TSBP1: variants seen among roughly 807,000 people sequenced by gnomAD.
TSBP1 encodes the protein testis-expressed basic protein 1.
TSBP1 carries 56 observed loss-of-function variants against 68.8 expected under a neutral mutation model. The ratio of observed to expected loss-of-function variants is 0.81; its 90% confidence interval spans 0.66 to 1.02. TSBP1 has a LOEUF of 1.02. Ranked by LOEUF, TSBP1 falls within the 50% of genes least tolerant of loss-of-function variation. The pLI is 0.00. For synonymous variants in TSBP1, 171 were observed against 208.7 expected (o/e 0.82, Z 1.56); for missense variants, 502 against 641.2 (o/e 0.78, Z 2.34).
chr6:32,297,771 C>A (rs976622391), intron 22 of TSBP1, among the ~76,000 whole-genome samples: 2 of 152,048 alleles, frequency 1.3e-5, no homozygotes, highest in African/African-American at 4.8e-5. Context: ...CTAAAAATAT[C>A]AACTGGGGCC....
At chr6:32,323,236 C>T in intron 17 of TSBP1, 99 bp from the exon 19 acceptor site, 1 of 772,986 alleles carries the variant, frequency 1.3e-6, no homozygotes, top group Non-Finnish European at 2.2e-6. Context: ...GGACACCTTT[C>T]TGGGTCTAAA....
intron 9 of TSBP1, among the ~76,000 whole-genome samples, chr6:32,341,214 C>T (rs1770311666): frequency 1.3e-5 from 2 of 152,080 alleles, no homozygotes; most frequent in Admixed American, 1.3e-4. Context: ...ATAAAAAAAA[C>T]TTACGATGTA....
exon 23 of TSBP1, chr6:32,293,849 T>G (rs1455255631): frequency 6.2e-7 from 1 of 1,613,098 alleles, no homozygotes; most frequent in Admixed American, 1.7e-5. Flanking sequence ...TCCTTCTCTT[T>G]CTGGCTCCTT....
chr6:32,293,761 C>G, exon 23 of TSBP1: 1 of 1,612,792 alleles, frequency 6.2e-7, no homozygotes, highest in Middle Eastern at 1.6e-4. Context: ...GTTGGGTTTC[C>G]TGTCTTTTTG....
intron 22 of TSBP1, among the ~76,000 whole-genome samples, chr6:32,296,137 C>A (rs914060797): frequency 6.6e-6 from 1 of 152,178 alleles, no homozygotes; most frequent in African/African-American, 2.4e-5. Context: ...AGCCACCACA[C>A]CCAGCCAATT....
intron 18 of TSBP1, among the ~76,000 whole-genome samples, chr6:32,320,543 TC>T (rs1462928464): frequency 6.6e-6 from 1 of 152,158 alleles, no homozygotes; most frequent in Non-Finnish European, 1.5e-5. Context: ...TATTTTTTCA[TC>T]CCCTCACTGT....
chr6:32,329,670 T>C (rs1393426093), intron 16 of TSBP1, among the ~76,000 whole-genome samples: 1 of 152,184 alleles, frequency 6.6e-6, no homozygotes, highest in Non-Finnish European at 1.5e-5. Flanking sequence ...TTCTCTCCCT[T>C]ATTCATGACT....
chr6:32,325,569 G>T lies in TSBP1; in HGVS notation c.515-1955C>A. 1.1e-6 allele frequency: 1 copy of T among 876,194 alleles called. No homozygotes were observed. Among genetic ancestry groups the T allele is most frequent in the Non-Finnish European group, 1.9e-6 (1 of 522,816 alleles). 54.3% of individuals were successfully genotyped at this position (876,194 alleles called of 1,614,324 possible). On this transcript the variant is annotated intron_variant, in intron 16 of 22. Transcript: ENST00000612031. This position sits in a 1 kb window ranked among gnomAD's most constrained non-coding sequence, Gnocchi z 4.4. ...TGGTGGCATTAAAGAAGACACTGAA[G>T]AAATCACCTAAGAAATTATTTTGAG...
Position 32,366,152 on chromosome 6 carries a change from T to C in TSBP1, c.217+15A>G. The C allele has an allele frequency of 6.2e-7, 1 of 1,601,426 alleles. No homozygotes were observed. The highest frequency in any genetic ancestry group is 1.1e-5 in the South Asian group (1 of 88,912). On this transcript the variant is annotated intron_variant, in intron 6 of 22. Transcript: ENST00000612031. ...ATTTTCCTTTAATTTTACAAAAATC[T>C]CTACATATACTTACCTCGGTTATCA...
intron 9 of TSBP1, among the ~76,000 whole-genome samples, chr6:32,344,212 C>G (rs1770699444): frequency 6.7e-6 from 1 of 150,204 alleles, no homozygotes; most frequent in African/African-American, 2.5e-5. Context: ...TCCATTAACT[C>G]GTCATTTAGC....
chr6:32,339,586 T>C lies in TSBP1; in HGVS notation c.388+14A>G, dbSNP rs1770103295. 8 of 1,254,122 alleles carry C rather than the reference T, an allele frequency of 6.4e-6. No homozygotes were observed. Among genetic ancestry groups the C allele is most frequent in the Admixed American group, 1.8e-5 (1 of 54,536 alleles). The allele number at this position is 1,254,122 out of a possible 1,614,324, so 77.7% of individuals were successfully genotyped here. On this transcript the variant is annotated intron_variant, in intron 10 of 22. Coordinates refer to ENST00000612031, the Ensembl canonical transcript of TSBP1. ...AGTAAAAAAAGGACTGAGTTGTATATATGGGAAACTTACAAGGAGGTTCTT... is the reference window on the plus strand; with the variant it reads ...AGTAAAAAAAGGACTGAGTTGTATACATGGGAAACTTACAAGGAGGTTCTT...
intron 4 of TSBP1, chr6:32,366,554 G>A (rs1253907742): frequency 2.2e-6 from 1 of 451,084 alleles, no homozygotes; most frequent in Non-Finnish European, 4.0e-6. Context: ...ACGAGGTCAG[G>A]AGATCGAGAC....
intron 9 of TSBP1, among the ~76,000 whole-genome samples, chr6:32,344,803 C>A (rs1770790747): frequency 6.7e-6 from 1 of 148,396 alleles, no homozygotes; most frequent in African/African-American, 2.5e-5. Context: ...CTTTTCTTCT[C>A]AGCCTTTGTA....
chr6:32,355,248 G>T, intron 7 of TSBP1, 104 bp from the exon 8 acceptor site: 1 of 1,192,970 alleles, frequency 8.4e-7, no homozygotes, highest in Non-Finnish European at 1.2e-6. Flanking sequence ...AGGAGTTAAA[G>T]TCTAGGCCCC....
rs992004233 is a variant in TSBP1, at chr6:32,357,552, T to C, written c.218-1883A>G. On this transcript the variant is annotated intron_variant, in intron 6 of 22. Coordinates refer to ENST00000612031, the Ensembl canonical transcript of TSBP1. This position sits in a 1 kb window ranked among gnomAD's most constrained non-coding sequence, Gnocchi z 4.7. ...GGTACTTATTAAGGATCTCCCTCGC[T>C]GTGGTGAGGTGAATAGACTATAAGA... 6.6e-6 allele frequency among the ~76,000 whole-genome samples: 1 copy of C among 152,176 alleles called. No homozygotes were observed. Among genetic ancestry groups the C allele is most frequent in the African/African-American group, 2.4e-5 (1 of 41,436 alleles).
chr6:32,321,628 T>C lies in TSBP1; in HGVS notation c.559+1489A>G, dbSNP rs1470459894. 6.6e-6 allele frequency among the ~76,000 whole-genome samples: 1 copy of C among 152,192 alleles called. No homozygotes were observed. Among genetic ancestry groups the C allele is most frequent in the Non-Finnish European group, 1.5e-5 (1 of 68,016 alleles). ...CCTCTTTGCTAAGGCTTCAGAAAGATGTGTGGATGAGGACTTTGGAGAGAC... is the reference window on the plus strand; with the variant it reads ...CCTCTTTGCTAAGGCTTCAGAAAGACGTGTGGATGAGGACTTTGGAGAGAC... On this transcript the variant is annotated intron_variant, in intron 18 of 22. Coordinates refer to ENST00000612031, the Ensembl canonical transcript of TSBP1. This position sits in a 1 kb window ranked among gnomAD's most constrained non-coding sequence, Gnocchi z 4.3.
intron 22 of TSBP1, among the ~76,000 whole-genome samples, chr6:32,299,139 C>A (rs1037904984): frequency 3.3e-5 from 5 of 152,092 alleles, no homozygotes; most frequent in African/African-American, 1.2e-4. Context: ...GGAGATAGGA[C>A]ATCCTGGGTT....
In TSBP1 at chr6:32,338,918, A is replaced by G. The variant is rs1325436428; in HGVS notation, c.409+61T>C. On this transcript the variant is annotated intron_variant, in intron 11 of 22. Transcript: ENST00000612031. The surrounding 1 kb of genome is among the most constrained non-coding windows in gnomAD (Gnocchi z 5.5). ...AAATCTAGGAATATGAGTGTCTTACATATTCTAACAGTTTAGTAAAGCAAA... is the reference window on the plus strand; with the variant it reads ...AAATCTAGGAATATGAGTGTCTTACGTATTCTAACAGTTTAGTAAAGCAAA... 2.3e-6 allele frequency: 3 copies of G among 1,291,258 alleles called. No homozygotes were observed. The highest frequency in any genetic ancestry group is 3.4e-6 in the Non-Finnish European group (3 of 886,672). 80.0% of individuals were successfully genotyped at this position (1,291,258 alleles called of 1,614,324 possible). A position where few individuals can be genotyped will look rare whatever the true frequency, so the allele number is the denominator to read the frequency against.
At chr6:32,353,439 T>TGA (rs1186154209) in intron 8 of TSBP1, among the ~76,000 whole-genome samples, 1 of 151,934 alleles carries the variant, frequency 6.6e-6, no homozygotes, top group East Asian at 1.9e-4. Context: ...GAAGGGTATA[T>TGA]GAGAAAATTT....
Sources: allele counts gnomAD v4.1 joint callset (sites outside exome capture counted in the v4.1 genomes callset), GRCh38; gene constraint gnomAD v4.1.1; non-coding constraint Gnocchi (gnomAD v3.1); transcripts MANE v1.5; gene names NCBI Gene and HGNC (gene_info 2026-07-23, HGNC 2026-07-21).